The following UBE4B variants were observed in gnomAD, a reference collection of about 807,000 sequenced individuals.
The protein encoded by UBE4B is ubiquitin conjugation factor E4 B.
UBE4B carries 27 observed loss-of-function variants against 148.1 expected under a neutral mutation model. The ratio of observed to expected loss-of-function variants is 0.18; its 90% confidence interval spans 0.13 to 0.25. The LOEUF (loss-of-function observed/expected upper bound fraction) is 0.25, where lower values mean the gene tolerates loss of function less well. Ranked by LOEUF, UBE4B falls within the 10% of genes least tolerant of loss-of-function variation. UBE4B has a pLI of 1.00. For missense variants in UBE4B, 1,170 were observed against 1,662.4 expected (o/e 0.70, Z 5.15); for synonymous variants, 596 against 619.3 (o/e 0.96, Z 0.56).
intron 9 of UBE4B, among the ~76,000 whole-genome samples, chr1:10,121,247 T>G (rs1277393877): frequency 6.6e-6 from 1 of 151,674 alleles, no homozygotes; most frequent in Non-Finnish European, 1.5e-5. Context: ...TCCCAGCTAC[T>G]TGGGAGGCTG....
chr1:10,129,594 G>T, intron 12 of UBE4B, 146 bp downstream of exon 12: 1 of 669,302 alleles, frequency 1.5e-6, no homozygotes, highest in Non-Finnish European at 2.6e-6. Context: ...GCTCTCAACT[G>T]TTACATTTTT....
Position 10,180,547 on chromosome 1 carries a change from GT to G in UBE4B, c.*598del, listed in dbSNP as rs1372860840. The G allele has an allele frequency of 6.6e-6, 1 of 151,842 alleles. No homozygotes were observed. The highest frequency in any genetic ancestry group is 1.5e-5 in the Non-Finnish European group (1 of 67,900). 9.4% of individuals were successfully genotyped at this position (151,842 alleles called of 1,614,324 possible). A position where few individuals can be genotyped will look rare whatever the true frequency, so the allele number is the denominator to read the frequency against. ...ATTTTTATATCATATTCACATATTT[GT>G]TTTTTTAATTGGTGTTAGATGACAT... On this transcript the variant is annotated 3_prime_UTR_variant, in exon 28 of 28. Coordinates refer to ENST00000343090, the MANE Select transcript of UBE4B (RefSeq NM_001105562.3).
intron 2 of UBE4B, among the ~76,000 whole-genome samples, chr1:10,085,909 C>T (rs573756177): frequency 3.9e-5 from 6 of 152,248 alleles, no homozygotes; most frequent in Non-Finnish European, 8.8e-5. Flanking sequence ...CCTGCCTCAG[C>T]CTCCTGAGTA....
intron 2 of UBE4B, among the ~76,000 whole-genome samples, chr1:10,076,115 GA>G (rs1405560874): frequency 6.6e-6 from 1 of 152,182 alleles, no homozygotes; most frequent in African/African-American, 2.4e-5. Context: ...CTGGCATGAG[GA>G]AGGTGATGGC....
At chr1:10,094,190 T>A (rs547123554) in intron 2 of UBE4B, among the ~76,000 whole-genome samples, 3 of 152,340 alleles carry the variant, frequency 2.0e-5, no homozygotes, top group Admixed American at 6.5e-5. Context: ...AGAAATCATC[T>A]GTCCCTGTAC....
chr1:10,128,302 A>G (rs1450378796), intron 11 of UBE4B: 2 of 152,232 alleles, frequency 1.3e-5, no homozygotes, highest in African/African-American at 4.8e-5. Context: ...TGTGGTAGAC[A>G]GTGATTTCAT....
rs760425310 is a variant in UBE4B, at chr1:10,105,701, A to G, written c.766A>G (p.Met256Val). The G allele has an allele frequency of 5.0e-6, 8 of 1,614,030 alleles. No homozygotes were observed. Among genetic ancestry groups the G allele is most frequent in the East Asian group, 2.2e-5 (1 of 44,906 alleles). ...NTGSNPGTSPMFCSVASFGAS... is the reference protein window; with the variant it reads ...NTGSNPGTSPVFCSVASFGAS... ...TGGCTCCAATCCAGGAACAAGCCCCATGTTCTGCAGCGTGGCTTCCTTTGG... is the reference window on the plus strand; with the variant it reads ...TGGCTCCAATCCAGGAACAAGCCCCGTGTTCTGCAGCGTGGCTTCCTTTGG... Residue 256 changes from methionine to valine, a missense_variant, in exon 6 of 28, where the codon ATG becomes GTG. Physicochemically the swap from Met to Val is conservative, Grantham distance 21. This residue lies in a region of UBE4B where 214 missense variants were observed against 209.1 expected (regional missense o/e 1.02). Coordinates refer to ENST00000343090, the MANE Select transcript of UBE4B (RefSeq NM_001105562.3).
intron 2 of UBE4B, among the ~76,000 whole-genome samples, chr1:10,091,366 T>C (rs1289939196): frequency 1.3e-5 from 2 of 152,178 alleles, no homozygotes; most frequent in Non-Finnish European, 2.9e-5. Context: ...TGATTTGATG[T>C]GTTTTTAGTC....
intron 5 of UBE4B, 61 bp from the exon 6 acceptor site, chr1:10,105,455 G>A: frequency 6.7e-7 from 1 of 1,484,442 alleles, no homozygotes; most frequent in Non-Finnish European, 9.4e-7. Context: ...GCTTATTCAA[G>A]GGCTGTGTAA....
chr1:10,134,025 G>C (rs1645637191), intron 15 of UBE4B, among the ~76,000 whole-genome samples: 1 of 150,600 alleles, frequency 6.6e-6, no homozygotes, highest in African/African-American at 2.5e-5. Flanking sequence ...ACTACAGCCT[G>C]GGCAACAGAG....
rs1366222241 is a variant in UBE4B, at chr1:10,102,942, C to T, written c.436-6C>T. 6.2e-7 allele frequency: 1 copy of T among 1,601,084 alleles called. No individual in the cohort carries two copies. Among genetic ancestry groups the T allele is most frequent in the Admixed American group, 1.7e-5 (1 of 58,370 alleles). On this transcript the variant is annotated splice_region_variant and splice_polypyrimidine_tract_variant and intron_variant, in intron 4 of 27. Transcript: ENST00000343090. ...AAATTAACCTGCAAATCTTCTTCTT[C>T]ACCAGGAGCCTTCCTCGGGCCCTGA... is the stretch of plus-strand genomic sequence containing the variant.
At chr1:10,056,156 C>T (rs1256912464) in intron 1 of UBE4B, among the ~76,000 whole-genome samples, 1 of 152,144 alleles carries the variant, frequency 6.6e-6, no homozygotes, top group Non-Finnish European at 1.5e-5. Flanking sequence ...TGTTTCTCTG[C>T]CATGTAATGT....
At position 10,161,584 on chromosome 1, in the gene UBE4B, C is replaced by A. The variant is rs989491460; in HGVS notation, c.3198+298C>A. ...TTTATTGTCTGAATATATTAATATT[C>A]ATGAACATAATTAGGAAAGAAATCT... On this transcript the variant is annotated intron_variant, in intron 23 of 27. Coordinates refer to ENST00000343090, the MANE Select transcript of UBE4B (RefSeq NM_001105562.3). This position sits in a 1 kb window ranked among gnomAD's most constrained non-coding sequence, Gnocchi z 4.1. 1.3e-5 allele frequency among the ~76,000 whole-genome samples: 2 copies of A among 152,106 alleles called. No individual in the cohort carries two copies. Among genetic ancestry groups the A allele is most frequent in the Non-Finnish European group, 2.9e-5 (2 of 68,028 alleles).
At chr1:10,139,444 C>T (rs1317872018) in intron 17 of UBE4B, among the ~76,000 whole-genome samples, 3 of 151,390 alleles carry the variant, frequency 2.0e-5, no homozygotes, top group Non-Finnish European at 4.4e-5. Context: ...TTTTTATGTT[C>T]CCTGGAAGAG....
chr1:10,144,779 AAACTATG>A (rs1438320784), intron 17 of UBE4B, among the ~76,000 whole-genome samples, 154 bp from the exon 18 acceptor site: 4 of 152,046 alleles, frequency 2.6e-5, no homozygotes, highest in African/African-American at 7.2e-5. Flanking sequence ...GCTGCCAATT[AAACTATG>A]ATTTGCCGCT....
chr1:10,086,621 C>T (rs904135509), intron 2 of UBE4B, among the ~76,000 whole-genome samples: 1 of 152,094 alleles, frequency 6.6e-6, no homozygotes, highest in Non-Finnish European at 1.5e-5. Flanking sequence ...ATAGGAATTA[C>T]ACTTGTGTGA....
chr1:10,160,439 G>A (rs1646142504), intron 22 of UBE4B, among the ~76,000 whole-genome samples: 1 of 152,160 alleles, frequency 6.6e-6, no homozygotes, highest in Non-Finnish European at 1.5e-5. Flanking sequence ...GAGTGAGCTA[G>A]GGGTGTGCTG....
intron 17 of UBE4B, among the ~76,000 whole-genome samples, chr1:10,143,333 C>T (rs901140270): frequency 3.6e-4 from 55 of 152,018 alleles, no homozygotes; most frequent in African/African-American, 1.3e-3. Flanking sequence ...ACCCGGGAGT[C>T]AGAGGTTGCA....
At chr1:10,107,560 T>C (rs541390184) in intron 7 of UBE4B, among the ~76,000 whole-genome samples, 15 of 150,956 alleles carry the variant, frequency 9.9e-5, no homozygotes, top group Non-Finnish European at 1.6e-4. Context: ...AATTTTCTTT[T>C]TTTCTTTCTT....
Sources: allele counts gnomAD v4.1 joint callset (sites outside exome capture counted in the v4.1 genomes callset), GRCh38; gene constraint gnomAD v4.1.1; regional missense constraint gnomAD v4.1.1; non-coding constraint Gnocchi (gnomAD v3.1); transcripts MANE v1.5; gene names NCBI Gene and HGNC (gene_info 2026-07-23, HGNC 2026-07-21).